The following MOB3B variants were observed in gnomAD, a reference collection of about 807,000 sequenced individuals.
MOB3B encodes MOB kinase activator-like 2B.
A neutral mutation model predicts 18.7 loss-of-function variants in MOB3B; 7 were observed. The ratio of observed to expected loss-of-function variants is 0.37; its 90% CI spans 0.21 to 0.70. The LOEUF (loss-of-function observed/expected upper bound fraction) is 0.70, where lower values mean the gene tolerates loss of function less well. Ranked by LOEUF, MOB3B falls within the 30% of genes least tolerant of loss-of-function variation. The probability of loss-of-function intolerance (pLI) is 0.52; values close to 1 mark genes in which losing one functional copy is unlikely to be tolerated. For missense variants in MOB3B, 253 were observed against 281.3 expected (o/e 0.90, Z 0.72); for synonymous variants, 111 against 99.9 (o/e 1.11, Z -0.66).
chr9:27,520,465 T>G (rs1554657126), intron 1 of MOB3B, among the ~76,000 whole-genome samples: 1 of 152,234 alleles, frequency 6.6e-6, no homozygotes, highest in Non-Finnish European at 1.5e-5. Flanking sequence ...TCAAAATGTT[T>G]CCTTACACTG....
intron 3 of MOB3B, among the ~76,000 whole-genome samples, chr9:27,340,864 G>C (rs1241749432): frequency 2.0e-5 from 3 of 152,230 alleles, no homozygotes; most frequent in African/African-American, 4.8e-5. Flanking sequence ...CAGTTGGCAG[G>C]AGTCTGCCTC....
chr9:27,404,593 G>C (rs1235349469), intron 2 of MOB3B, among the ~76,000 whole-genome samples: 1 of 151,580 alleles, frequency 6.6e-6, no homozygotes, highest in Non-Finnish European at 1.5e-5. Flanking sequence ...CCTGACCTCA[G>C]GTGATCCACC....
At chr9:27,449,885 G>A (rs1680362765) in intron 2 of MOB3B, among the ~76,000 whole-genome samples, 1 of 151,758 alleles carries the variant, frequency 6.6e-6, no homozygotes, top group Non-Finnish European at 1.5e-5. Flanking sequence ...GACTGAGACA[G>A]GAGAATCACT....
chr9:27,507,389 G>A lies in MOB3B; in HGVS notation c.-199+22166C>T, dbSNP rs377341360. Among the ~76,000 whole-genome samples, 4 of 152,278 alleles carry A rather than the reference G, an allele frequency of 2.6e-5. No individual in the cohort carries two copies. In the East Asian group the frequency reaches 7.7e-4, roughly 29 times the overall value. On this transcript the variant is annotated intron_variant, in intron 1 of 3. Transcript: ENST00000262244. Reference sequence around the variant, plus strand: ...TGTTATTGTCATATTGTGCACAGTAGCTACTTTCTCCTCACTGGACATCTC... The same window carrying A: ...TGTTATTGTCATATTGTGCACAGTAACTACTTTCTCCTCACTGGACATCTC...
At chr9:27,490,706 T>C (rs570896588) in intron 1 of MOB3B, among the ~76,000 whole-genome samples, 2 of 152,170 alleles carry the variant, frequency 1.3e-5, no homozygotes, top group South Asian at 2.1e-4. Flanking sequence ...GCAAAACAAC[T>C]CCAAAGCCCA....
chr9:27,435,577 GA>G (rs942417140), intron 2 of MOB3B, among the ~76,000 whole-genome samples: 14 of 152,090 alleles, frequency 9.2e-5, no homozygotes, highest in Non-Finnish European at 2.1e-4. Context: ...ATAAAGAACA[GA>G]GTTCTTTTAT....
chr9:27,342,450 G>C lies in MOB3B; in HGVS notation c.622-11834C>G, dbSNP rs375297449. ...CCCCTCTCCCTCCCCCTCCCCCTCC[G>C]TCTCCCTTTCCCTCGTCTCCCTCTC... On this transcript the variant is annotated intron_variant, in intron 3 of 3. Coordinates refer to ENST00000262244, the MANE Select transcript of MOB3B (RefSeq NM_024761.5). Among the ~76,000 whole-genome samples, 604 of 118,850 alleles carry C rather than the reference G, an allele frequency of 5.1e-3. 5 individuals carry two copies. Among genetic ancestry groups the C allele is most frequent in the African/African-American group, 0.018 (557 of 30,524 alleles). The allele number at this position is 118,850 out of a possible 152,430, so 78.0% of individuals were successfully genotyped here. A position where few individuals can be genotyped will look rare whatever the true frequency, so the allele number is the denominator to read the frequency against.
chr9:27,330,342 G>A lies in MOB3B; in HGVS notation c.*245C>T, dbSNP rs1426586768. On this transcript the variant is annotated 3_prime_UTR_variant, in exon 4 of 4. Coordinates refer to ENST00000262244, the MANE Select transcript of MOB3B (RefSeq NM_024761.5). ...TCGTGGACAATTCCCCAGCCAGAACGGTCAAGGGGCTGGTCCTTCTTTCAC... is the reference window on the plus strand; with the variant it reads ...TCGTGGACAATTCCCCAGCCAGAACAGTCAAGGGGCTGGTCCTTCTTTCAC... 4.4e-6 allele frequency: 2 copies of A among 451,114 alleles called. No homozygotes were observed. Among genetic ancestry groups the A allele is most frequent in the Non-Finnish European group, 7.9e-6 (2 of 253,376 alleles). 27.9% of individuals were successfully genotyped at this position (451,114 alleles called of 1,614,324 possible).
At chr9:27,359,322 G>T in intron 2 of MOB3B, 86 bp from the exon 3 acceptor site, 1 of 1,110,992 alleles carries the variant, frequency 9.0e-7, no homozygotes, top group Non-Finnish European at 1.3e-6. Flanking sequence ...CTGTCTGAGG[G>T]CAATGCTACA....
At chr9:27,361,414 G>C (rs536937960) in intron 2 of MOB3B, among the ~76,000 whole-genome samples, 2 of 152,292 alleles carry the variant, frequency 1.3e-5, no homozygotes, top group Admixed American at 6.5e-5. Flanking sequence ...AAAGAAAGGG[G>C]ATGGGGACAG....
intron 2 of MOB3B, among the ~76,000 whole-genome samples, chr9:27,401,419 G>A (rs1000214041): frequency 2.6e-5 from 4 of 152,198 alleles, no homozygotes; most frequent in African/African-American, 9.6e-5. Context: ...ACTGTCTCAA[G>A]TCAGTGTCCA....
At chr9:27,358,761 T>C in intron 3 of MOB3B, 2 of 642,832 alleles carry the variant, frequency 3.1e-6, no homozygotes. Flanking sequence ...GACTTTGGAA[T>C]TGAAAGTTAA....
chr9:27,361,845 G>A (rs1380284258), intron 2 of MOB3B, among the ~76,000 whole-genome samples: 1 of 152,100 alleles, frequency 6.6e-6, no homozygotes, highest in East Asian at 1.9e-4. Flanking sequence ...TCCTTTCTGG[G>A]CAGCTCAAAC....
chr9:27,463,381 A>G (rs1819323883), intron 1 of MOB3B, among the ~76,000 whole-genome samples: 1 of 152,192 alleles, frequency 6.6e-6, no homozygotes, highest in Admixed American at 6.5e-5. Context: ...AGCTGACTCC[A>G]AACCTCTTAC....
At chr9:27,386,354 G>A (rs186312798) in intron 2 of MOB3B, among the ~76,000 whole-genome samples, 13 of 152,300 alleles carry the variant, frequency 8.5e-5, no homozygotes, top group African/African-American at 2.9e-4. Context: ...GGAGAGGAAC[G>A]ATTCAACAAA....
chr9:27,350,626 C>T lies in MOB3B; in HGVS notation c.621+8408G>A, dbSNP rs538506769. ...TATTTTTGCCACATCCCCAGTTACC[C>T]AGCATAAGGCAATTCATTGGAAATA... is the stretch of plus-strand genomic sequence containing the variant. On this transcript the variant is annotated intron_variant, in intron 3 of 3. Transcript: ENST00000262244. Among the ~76,000 whole-genome samples the T allele has an allele frequency of 4.6e-5, 7 of 152,316 alleles. No individual in the cohort carries two copies. In the South Asian group the frequency reaches 1.0e-3, roughly 23 times the overall value.
In MOB3B at chr9:27,357,144, A is replaced by ATATATATATG. The variant is rs1486801059; in HGVS notation, c.621+1889_621+1890insCATATATATA. 4.9e-5 allele frequency among the ~76,000 whole-genome samples: 4 copies of ATATATATATG among 80,972 alleles called. 1 individual carries two copies. Among genetic ancestry groups the ATATATATATG allele is most frequent in the African/African-American group, 1.7e-4 (4 of 23,996 alleles). The allele number at this position is 80,972 out of a possible 152,430, so 53.1% of individuals were successfully genotyped here. ...CAAATATATATATATATATATATAT[A>ATATATATATG]TGTGTTTTTTTTTTTGCCATATATT... is the stretch of plus-strand genomic sequence containing the variant. On this transcript the variant is annotated intron_variant, in intron 3 of 3. Transcript: ENST00000262244.
rs563692891 is a variant in MOB3B at position 27,404,069 on chromosome 9, C to T, written c.419-44833G>A. ...TATTTTTGTACCCATTAACCCTCCT[C>T]GCTTTATCTCCCCCTCCCTATTATA... On this transcript the variant is annotated intron_variant, in intron 2 of 3. Transcript: ENST00000262244. Among the ~76,000 whole-genome samples, 16 of 152,224 alleles carry T rather than the reference C, an allele frequency of 1.1e-4. No individual in the cohort carries two copies. The East Asian group carries it at 1.4e-3, about 13-fold the overall frequency.
intron 2 of MOB3B, among the ~76,000 whole-genome samples, chr9:27,407,203 G>A (rs1378808869): frequency 1.3e-5 from 2 of 152,118 alleles, no homozygotes; most frequent in Non-Finnish European, 2.9e-5. Context: ...AAAGACTGAA[G>A]CATCCTGCAT....
Sources: gnomAD v4.1 joint callset for allele counts (sites outside exome capture counted in the v4.1 genomes callset) on GRCh38, gnomAD v4.1.1 for gene constraint, MANE v1.5 for transcripts, NCBI Gene and HGNC (gene_info 2026-07-23, HGNC 2026-07-21) for gene names.